Variants in ZXDC observed in about 807,000 individuals in gnomAD.
The protein encoded by ZXDC is zinc finger protein ZXDC.
In ZXDC, 58 loss-of-function variants were observed where a neutral mutation model predicts 63.6. That is an observed-to-expected ratio of 0.91 (90% CI 0.74 to 1.13). The LOEUF is 1.13. Among genes scored for constraint, ZXDC ranks in the 50% most tolerant of loss-of-function variants. ZXDC has a pLI of 0.00. For missense variants in ZXDC, 1,133 were observed against 1,148.9 expected, an observed-to-expected ratio of 0.99 and a Z score of 0.20; for synonymous variants, 561 against 496.1, an observed-to-expected ratio of 1.13 and a Z score of -1.74.
intron 5 of ZXDC, among the ~76,000 whole-genome samples, chr3:126,464,133 C>T (rs552004783): frequency 1.3e-5 from 2 of 152,224 alleles, no homozygotes; most frequent in Admixed American, 6.5e-5. Flanking sequence ...CAAATGATAC[C>T]CACTTATTAA....
intron 8 of ZXDC, 96 bp from the exon 9 acceptor site, chr3:126,439,823 G>T: frequency 6.8e-7 from 1 of 1,467,104 alleles, no homozygotes; most frequent in Non-Finnish European, 9.0e-7. Context: ...TGCAATGCGT[G>T]GCAGAACCAG....
intron 7 of ZXDC, chr3:126,443,482 T>C (rs898841947): frequency 4.6e-5 from 7 of 152,208 alleles, no homozygotes; most frequent in Non-Finnish European, 1.0e-4. Flanking sequence ...AAACAATGCA[T>C]ACCTTAATTT....
rs1204968500 is a variant in ZXDC, at chr3:126,438,556, T to G, written c.2491-95A>C. The G allele has an allele frequency of 1.8e-5, 19 of 1,075,390 alleles. No individual in the cohort carries two copies. The Admixed American group carries it at 4.8e-4, about 27-fold the overall frequency. 66.6% of individuals were successfully genotyped at this position (1,075,390 alleles called of 1,614,324 possible). On this transcript the variant is annotated intron_variant, in intron 9 of 9. Coordinates refer to ENST00000389709, the MANE Select transcript of ZXDC (RefSeq NM_025112.5). The stretch of plus-strand genomic sequence containing the variant: ...AGCAGGACACTGACCAGGCCCGTGG[T>G]GAGATACCTGACTTCTCTTACTCAA...
chr3:126,446,290 G>C (rs1192872390), intron 7 of ZXDC, among the ~76,000 whole-genome samples: 3 of 152,218 alleles, frequency 2.0e-5, no homozygotes, highest in Non-Finnish European at 4.4e-5. Flanking sequence ...GTCCTATCTA[G>C]GTATGATGGT....
intron 7 of ZXDC, chr3:126,451,101 C>T: frequency 2.0e-6 from 2 of 985,152 alleles, no homozygotes; most frequent in South Asian, 4.7e-5. Flanking sequence ...CCAGGAGGAA[C>T]AGTGCTCTAT....
At chr3:126,444,328 C>A (rs113388340) in intron 7 of ZXDC, among the ~76,000 whole-genome samples, 2 of 152,094 alleles carry the variant, frequency 1.3e-5, no homozygotes, top group Non-Finnish European at 2.9e-5. Flanking sequence ...GTCAGGAGAT[C>A]GAGACCATCC....
rs775921178 is a variant in ZXDC, at chr3:126,475,663, T to A, written c.203A>T (p.Asp68Val). ...ASGPSPPPAEDDSDGDSFLVL... is the reference protein window; with the variant it reads ...ASGPSPPPAEVDSDGDSFLVL... ...CAAGAAAGAGTCGCCGTCGCTGTCGTCCTCGGCGGGCGGCGGGCTTGGCCC... is the reference window on the plus strand; with the variant it reads ...CAAGAAAGAGTCGCCGTCGCTGTCGACCTCGGCGGGCGGCGGGCTTGGCCC... Residue 68 changes from aspartate to valine, a missense_variant, in exon 1 of 10, where the codon GAC becomes GTC. Physicochemically the swap from Asp to Val is radical, Grantham distance 152. Transcript: ENST00000389709. The A allele has an allele frequency of 1.7e-5, 25 of 1,435,546 alleles. No homozygotes were observed. The highest frequency in any genetic ancestry group is 2.0e-4 in the Middle Eastern group (1 of 4,970). The allele number at this position is 1,435,546 out of a possible 1,614,324, so 88.9% of individuals were successfully genotyped here. A position where few individuals can be genotyped will look rare whatever the true frequency, so the allele number is the denominator to read the frequency against.
chr3:126,453,694 T>C, intron 7 of ZXDC: 1 of 984,900 alleles, frequency 1.0e-6, no homozygotes, highest in Middle Eastern at 5.2e-4. Context: ...TAGCTTTTAT[T>C]TTTTTTCTTT....
In ZXDC at chr3:126,475,317, C is replaced by G. The variant is rs1354673829; in HGVS notation, c.549G>C (p.Ala183=). The G allele has an allele frequency of 2.6e-6, 4 of 1,545,610 alleles. No homozygotes were observed. The highest frequency in any genetic ancestry group is 3.5e-6 in the Non-Finnish European group (4 of 1,144,362). ...PGYRCPEPQC[A]LAFAKKHQLK... is the part of the protein sequence containing the mutation. ...GCTGGTGCTTCTTGGCGAAGGCCAG[C>G]GCGCACTGCGGCTCGGGGCAGCGGT... The change falls in exon 1 of 10, where the codon GCG becomes GCC. Residue 183 remains alanine, a synonymous_variant. Transcript: ENST00000389709.
Position 126,441,918 on chromosome 3 carries a change from T to G in ZXDC, c.2241A>C (p.Ile747=), listed in dbSNP as rs748898643. ...GGGGAGGACTCATTTTGCCTTCTTTTATTTTTCTCTGAGTAGACTGTGAGG... is the reference window on the plus strand; with the variant it reads ...GGGGAGGACTCATTTTGCCTTCTTTGATTTTTCTCTGAGTAGACTGTGAGG... The part of the protein sequence containing the change: ...AGASQSTQRK[I]KEGKMSPPHF... The change falls in exon 8 of 10, where the codon ATA becomes ATC. Residue 747 remains isoleucine (I), a synonymous_variant. Transcript: ENST00000389709. 3 of 1,611,022 alleles carry G rather than the reference T, an allele frequency of 1.9e-6. No homozygotes were observed. Among genetic ancestry groups the G allele is most frequent in the African/African-American group, 2.7e-5 (2 of 74,762 alleles).
In ZXDC at chr3:126,454,928, T is replaced by C. The variant is rs556774588; in HGVS notation, c.2212+4725A>G. ...TTTTCTACACTCAACAGCAACACAA[T>C]GGGAAGAGTCTTGGATTTCAAATGC... On this transcript the variant is annotated intron_variant, in intron 7 of 9. Transcript: ENST00000389709. The C allele has an allele frequency of 2.8e-5, 28 of 985,474 alleles. No homozygotes were observed. In the South Asian group the frequency reaches 1.2e-3, roughly 41 times the overall value. The allele number at this position is 985,474 out of a possible 1,614,324, so 61.0% of individuals were successfully genotyped here. A position where few individuals can be genotyped will look rare whatever the true frequency, so the allele number is the denominator to read the frequency against.
chr3:126,452,396 C>G, intron 7 of ZXDC: 1 of 985,430 alleles, frequency 1.0e-6, no homozygotes, highest in Non-Finnish European at 1.2e-6. Flanking sequence ...AGCCTGTGGG[C>G]TCTGCCATCG....
intron 8 of ZXDC, 43 bp downstream of exon 8, chr3:126,441,722 C>T (rs747851550): frequency 1.8e-5 from 27 of 1,525,122 alleles, no homozygotes; most frequent in Non-Finnish European, 2.1e-5. Context: ...CGTGACCCTC[C>T]CACCCCGCCT....
At chr3:126,459,817 G>A (rs1576678042) in intron 6 of ZXDC, 80 bp from the exon 7 acceptor site, 1 of 1,609,746 alleles carries the variant, frequency 6.2e-7, no homozygotes, top group East Asian at 2.2e-5. Flanking sequence ...AGTGCCATAA[G>A]CCTGCTTCTG....
chr3:126,458,907 G>C (rs997254281), intron 7 of ZXDC: 2 of 984,932 alleles, frequency 2.0e-6, no homozygotes, highest in African/African-American at 3.5e-5. Context: ...CTGATTAACA[G>C]AAAACCGGCA....
intron 7 of ZXDC, chr3:126,453,158 C>T (rs751344601): frequency 1.0e-4 from 100 of 985,290 alleles, no homozygotes; most frequent in Non-Finnish European, 1.2e-4. Flanking sequence ...TGAATGATTA[C>T]TTGTTTTCCT....
chr3:126,451,780 G>C (rs1453288547), intron 7 of ZXDC: 2 of 985,242 alleles, frequency 2.0e-6, no homozygotes, highest in African/African-American at 1.7e-5. Flanking sequence ...CTGTGCGGAC[G>C]TGTCTCTGTG....
At chr3:126,441,038 A>G in intron 8 of ZXDC, 2 of 985,514 alleles carry the variant, frequency 2.0e-6, no homozygotes, top group Non-Finnish European at 2.4e-6. Context: ...CCTGGGCCAA[A>G]CCCAGACAGC....
At chr3:126,458,218 A>AT (rs532263417) in intron 7 of ZXDC, among the ~76,000 whole-genome samples, 3 of 145,690 alleles carry the variant, frequency 2.1e-5, no homozygotes, top group African/African-American at 7.6e-5. Flanking sequence ...GATGGCTATA[A>AT]TTTTTTTTAA....
Sources: gnomAD v4.1 joint callset for allele counts (sites outside exome capture counted in the v4.1 genomes callset) on GRCh38, gnomAD v4.1.1 for gene constraint, MANE v1.5 for transcripts, NCBI Gene and HGNC (gene_info 2026-07-23, HGNC 2026-07-21) for gene names.